The following DSCAML1 variants were observed in gnomAD, a reference collection of about 807,000 sequenced individuals.
DSCAML1 encodes cell adhesion molecule DSCAML1.
Under a neutral mutation model 200.5 loss-of-function variants are expected in DSCAML1, and 38 were observed. That is an observed-to-expected ratio of 0.19 (90% confidence interval 0.15 to 0.25). DSCAML1 has a LOEUF of 0.25. Ranked by LOEUF, DSCAML1 falls within the 10% of genes least tolerant of loss-of-function variation. The probability of loss-of-function intolerance (pLI) is 1.00; values close to 1 mark genes in which losing one functional copy is unlikely to be tolerated. For missense variants in DSCAML1, 2,223 were observed against 2,858.8 expected (o/e 0.78, Z 5.07); for synonymous variants, 1,215 against 1,165.0 (o/e 1.04, Z -0.87).
chr11:117,739,783 A>T (rs1021609740), intron 3 of DSCAML1, among the ~76,000 whole-genome samples: 26 of 150,358 alleles, frequency 1.7e-4, no homozygotes, highest in Admixed American at 1.6e-3. Context: ...AAGGTCTCAC[A>T]TGGTAGCTGC....
intron 3 of DSCAML1, among the ~76,000 whole-genome samples, chr11:117,607,800 G>A (rs973883145): frequency 2.0e-4 from 31 of 152,214 alleles, no homozygotes; most frequent in African/African-American, 6.3e-4. Flanking sequence ...CCAACGCCAC[G>A]GGGATGGATG....
At chr11:117,535,847 C>T (rs757183843) in intron 3 of DSCAML1, among the ~76,000 whole-genome samples, 12 of 138,640 alleles carry the variant, frequency 8.7e-5, no homozygotes, top group African/African-American at 2.5e-4. Context: ...TTGCATCTCC[C>T]GGCACCTCAA....
chr11:117,592,849 G>A (rs1023629400), intron 3 of DSCAML1, among the ~76,000 whole-genome samples: 6 of 152,328 alleles, frequency 3.9e-5, no homozygotes, highest in East Asian at 1.9e-4. Context: ...ACCAGGCTCC[G>A]TGCTGCTGCA....
chr11:117,615,496 G>A (rs906036772), intron 3 of DSCAML1, among the ~76,000 whole-genome samples: 6 of 152,124 alleles, frequency 3.9e-5, no homozygotes, highest in African/African-American at 1.4e-4. Flanking sequence ...AGAAGCAAGT[G>A]CAGGGAGGGA....
At chr11:117,784,171 C>A (rs778283360) in intron 1 of DSCAML1, among the ~76,000 whole-genome samples, 2 of 152,206 alleles carry the variant, frequency 1.3e-5, no homozygotes, top group Non-Finnish European at 2.9e-5. Context: ...TCTTCTGAGT[C>A]TGGGGGAGCA....
chr11:117,521,028 G>T (rs1349054390), intron 6 of DSCAML1, 102 bp downstream of exon 6: 3 of 1,492,366 alleles, frequency 2.0e-6, no homozygotes, highest in Non-Finnish European at 2.7e-6. Flanking sequence ...TGTAGTGAGC[G>T]CTGGTTTAAT....
intron 3 of DSCAML1, among the ~76,000 whole-genome samples, chr11:117,600,800 T>C (rs2051451277): frequency 6.6e-6 from 1 of 152,038 alleles, no homozygotes; most frequent in African/African-American, 2.4e-5. Context: ...GAGAAGGTGA[T>C]TTATGAAGGG....
chr11:117,431,963 T>C (rs1490431188), intron 30 of DSCAML1, among the ~76,000 whole-genome samples: 1 of 152,188 alleles, frequency 6.6e-6, no homozygotes, highest in Non-Finnish European at 1.5e-5. Context: ...ACCCCATCTT[T>C]TCCTTCCACC....
intron 3 of DSCAML1, among the ~76,000 whole-genome samples, chr11:117,733,412 G>C (rs1313482600): frequency 1.3e-5 from 2 of 152,084 alleles, no homozygotes; most frequent in Non-Finnish European, 2.9e-5. Context: ...ATGGATTTTT[G>C]GCCCTGTGAA....
At chr11:117,544,279 T>G (rs2050330234) in intron 3 of DSCAML1, among the ~76,000 whole-genome samples, 1 of 152,208 alleles carries the variant, frequency 6.6e-6, no homozygotes, top group Non-Finnish European at 1.5e-5. Flanking sequence ...TGCTGCTCCA[T>G]GCAATACAGA....
At chr11:117,449,132 T>C (rs1340567372) in intron 20 of DSCAML1, among the ~76,000 whole-genome samples, 1 of 152,186 alleles carries the variant, frequency 6.6e-6, no homozygotes, top group Non-Finnish European at 1.5e-5. Flanking sequence ...ATGATTCCAT[T>C]TACACAAAGT....
chr11:117,812,776 C>T (rs1055645076), intron 1 of DSCAML1, among the ~76,000 whole-genome samples: 6 of 112,584 alleles, frequency 5.3e-5, no homozygotes, highest in South Asian at 2.4e-4. Flanking sequence ...CAATCCTTTA[C>T]AAAACAACAA....
intron 3 of DSCAML1, among the ~76,000 whole-genome samples, chr11:117,774,963 C>T (rs556092601): frequency 6.6e-6 from 1 of 152,196 alleles, no homozygotes; most frequent in South Asian, 2.1e-4. Flanking sequence ...ATAGTAAGCA[C>T]CCCCCAAATT....
chr11:117,638,302 A>G (rs2052331377), intron 3 of DSCAML1, among the ~76,000 whole-genome samples: 2 of 147,630 alleles, frequency 1.4e-5, no homozygotes, highest in African/African-American at 5.1e-5. Context: ...TCCTAGTTCC[A>G]CACAAGATAG....
At chr11:117,458,985 C>T in intron 18 of DSCAML1, 76 bp from the exon 19 acceptor site, 3 of 1,557,132 alleles carry the variant, frequency 1.9e-6, no homozygotes, top group East Asian at 2.2e-5. Context: ...GCTGCCTGGG[C>T]TCTGCCCACA....
At chr11:117,556,860 G>A (rs1254425497) in intron 3 of DSCAML1, among the ~76,000 whole-genome samples, 4 of 152,216 alleles carry the variant, frequency 2.6e-5, no homozygotes, top group South Asian at 2.1e-4. Context: ...CTTCACCGCC[G>A]ACATGCCCAC....
intron 3 of DSCAML1, among the ~76,000 whole-genome samples, chr11:117,725,371 A>G (rs1893035): frequency 0.81 from 123,066 of 152,148 alleles, 52,450 homozygotes; most frequent in Non-Finnish European, 0.94. Flanking sequence ...GAGTGACTCC[A>G]TCCACAGGAG....
intron 3 of DSCAML1, among the ~76,000 whole-genome samples, chr11:117,732,015 C>G (rs1469695803): frequency 2.0e-5 from 3 of 152,164 alleles, no homozygotes; most frequent in Admixed American, 6.5e-5. Flanking sequence ...TCCATAGCTA[C>G]CTTCCAGGCT....
At chr11:117,772,683 T>A (rs1263712830) in intron 3 of DSCAML1, among the ~76,000 whole-genome samples, 1 of 152,238 alleles carries the variant, frequency 6.6e-6, no homozygotes, top group African/African-American at 2.4e-5. Flanking sequence ...TATCTTTATA[T>A]CCAATAACAT....
Sources: allele counts gnomAD v4.1 joint callset (sites outside exome capture counted in the v4.1 genomes callset), GRCh38; gene constraint gnomAD v4.1.1; transcripts MANE v1.5; gene names NCBI Gene and HGNC (gene_info 2026-07-23, HGNC 2026-07-21).